Variants in ZNF223 observed in about 807,000 individuals in gnomAD.
The protein encoded by ZNF223 is Homo sapiens zinc finger protein 223.
In ZNF223, 9 loss-of-function variants were observed where a neutral mutation model predicts 12.3. The observed-to-expected ratio is 0.73, with a 90% CI of 0.44 to 1.28. ZNF223 has a LOEUF of 1.28. ZNF223 is among the 50% of genes most tolerant of loss of function. The probability of loss-of-function intolerance (pLI) is 0.00; values close to 1 mark genes in which losing one functional copy is unlikely to be tolerated. For synonymous variants in ZNF223, 171 were observed against 195.2 expected, an observed-to-expected ratio of 0.88 and a Z score of 1.03; for missense variants, 506 against 579.0, an observed-to-expected ratio of 0.87 and a Z score of 1.29.
At chr19:44,055,318 T>C (rs538757127) in intron 2 of ZNF223, 127 bp downstream of exon 2, 12 of 1,032,910 alleles carry the variant, frequency 1.2e-5, no homozygotes, top group Non-Finnish European at 1.8e-5. Flanking sequence ...GTCACCTGGC[T>C]AATTTTTGTA....
intron 4 of ZNF223, 169 bp downstream of exon 4, chr19:44,061,010 TCTC>T (rs1202053324): frequency 1.8e-5 from 11 of 624,874 alleles, no homozygotes; most frequent in Non-Finnish European, 2.8e-6. Context: ...TGACATCTGT[TCTC>T]CTCATGGCAG....
Position 44,058,328 on chromosome 19 carries a change from G to A in ZNF223, c.16-2127G>A, listed in dbSNP as rs144052854. Among the ~76,000 whole-genome samples the A allele has an allele frequency of 4.1e-5, 6 of 144,902 alleles. No individual in the cohort carries two copies. The East Asian group carries it at 1.2e-3, about 29-fold the overall frequency. On this transcript the variant is annotated intron_variant, in intron 2 of 4. Transcript: ENST00000434772. ...TTCATATGTCCATCGACCTCCCCTG[G>A]CCTCCCCTGATCTTGTTAGATCAGT...
intron 2 of ZNF223, among the ~76,000 whole-genome samples, chr19:44,056,361 C>A (rs368889515): frequency 5.0e-3 from 394 of 78,700 alleles, no homozygotes; most frequent in East Asian, 8.6e-3. Flanking sequence ...ACTAAAAATA[C>A]AAAAAAAAAA....
chr19:44,052,752 A>C (rs1026245154), intron 1 of ZNF223, among the ~76,000 whole-genome samples: 4 of 152,132 alleles, frequency 2.6e-5, no homozygotes, highest in African/African-American at 9.7e-5. Context: ...AAGCCCACAT[A>C]CCACGGTAAT....
chr19:44,060,830 A>G lies in ZNF223; in HGVS notation c.224A>G (p.Glu75Gly), dbSNP rs1405486418. Residue 75 changes from glutamate (E) to glycine (G), a missense_variant, in exon 4 of 5, where the codon GAA becomes GGA. Physicochemically the swap from Glu to Gly is moderately conservative, Grantham distance 98. Coordinates refer to ENST00000434772, the MANE Select transcript of ZNF223 (RefSeq NM_013361.6). ...ATGATGGATATAGCAACCCAAAGGG[A>G]AGGGAATTCAGGTAAGAAGCACGCA... is the stretch of plus-strand genomic sequence containing the variant. ...FWMMDIATQR[E>G]GNSGGKIQPE... 6.2e-7 allele frequency: 1 copy of G among 1,612,742 alleles called. No individual in the cohort carries two copies. The highest frequency in any genetic ancestry group is 8.5e-7 in the Non-Finnish European group (1 of 1,179,320).
chr19:44,064,867 G>A (rs1013876159), intron 4 of ZNF223, among the ~76,000 whole-genome samples: 3 of 152,170 alleles, frequency 2.0e-5, no homozygotes, highest in African/African-American at 7.2e-5. Context: ...ATTAGCATGT[G>A]ACTTAGACAC....
chr19:44,066,955 A>G lies in ZNF223; in HGVS notation c.1127A>G (p.Lys376Arg). ...HTGEKPYKCD[K>R]CGKSYITKSG... ...GGAGAAAAGCCATACAAATGTGACA[A>G]GTGTGGGAAGAGCTACATTACTAAG... Residue 376 changes from lysine to arginine, a missense_variant, in exon 5 of 5, where the codon AAG (lysine) becomes AGG (arginine). Lys to Arg is a conservative substitution (Grantham distance 26). Coordinates refer to ENST00000434772, the MANE Select transcript of ZNF223 (RefSeq NM_013361.6). 2 of 1,614,236 alleles carry G rather than the reference A, an allele frequency of 1.2e-6. No homozygotes were observed. The highest frequency in any genetic ancestry group is 1.3e-5 in the African/African-American group (1 of 75,070).
intron 1 of ZNF223, among the ~76,000 whole-genome samples, chr19:44,052,935 G>C (rs532370809): frequency 5.3e-5 from 8 of 152,154 alleles, no homozygotes; most frequent in African/African-American, 1.9e-4. Flanking sequence ...GTGTTGGATA[G>C]CATATTACCT....
chr19:44,062,658 T>G (rs756083794), intron 4 of ZNF223, among the ~76,000 whole-genome samples: 6 of 152,172 alleles, frequency 3.9e-5, no homozygotes, highest in Non-Finnish European at 7.3e-5. Context: ...ATTTTTTTTT[T>G]CATGACCACA....
chr19:44,052,025 T>G (rs1976706759), upstream of ZNF223: 1 of 152,166 alleles, frequency 6.6e-6, no homozygotes, highest in South Asian at 2.1e-4. Context: ...AGAGGACACT[T>G]CCGGTCTCCT....
At position 44,067,345 on chromosome 19, in the gene ZNF223, T is replaced by G. The variant is rs776949601; in HGVS notation, c.*68T>G. 1.7e-5 allele frequency: 25 copies of G among 1,437,458 alleles called. No homozygotes were observed. Among genetic ancestry groups the G allele is most frequent in the Non-Finnish European group, 2.3e-5 (24 of 1,045,724 alleles). 89.0% of individuals were successfully genotyped at this position (1,437,458 alleles called of 1,614,324 possible). ...ATGTATATGATGTATAATGATCAAA[T>G]CAGTGTAATTAGCACATTTATCACC... On this transcript the variant is annotated 3_prime_UTR_variant, in exon 5 of 5. Transcript: ENST00000434772.
At chr19:44,058,153 C>G (rs1976792736) in intron 2 of ZNF223, among the ~76,000 whole-genome samples, 1 of 152,170 alleles carries the variant, frequency 6.6e-6, no homozygotes, top group Non-Finnish European at 1.5e-5. Flanking sequence ...AAAGGCAGTT[C>G]CTCCCCATAA....
At chr19:44,063,110 C>T (rs549532862) in intron 4 of ZNF223, among the ~76,000 whole-genome samples, 172 of 152,258 alleles carry the variant, frequency 1.1e-3, no homozygotes, top group African/African-American at 4.1e-3. Context: ...CATCCTGAGA[C>T]CCCTTCCCAT....
chr19:44,061,057 G>A lies in ZNF223; in HGVS notation c.235+216G>A, dbSNP rs771587774. 8.6e-5 allele frequency: 43 copies of A among 500,488 alleles called. No individual in the cohort carries two copies. The Admixed American group carries it at 1.3e-3, about 15-fold the overall frequency. 31.0% of individuals were successfully genotyped at this position (500,488 alleles called of 1,614,324 possible). A position where few individuals can be genotyped will look rare whatever the true frequency, so the allele number is the denominator to read the frequency against. On this transcript the variant is annotated intron_variant, in intron 4 of 4. Transcript: ENST00000434772. ...ATCCTTAGGACATGGATGTCAGATT[G>A]TCATTCCTCAGCTTAAGAGCCTTTC...
chr19:44,065,727 G>A (rs1371042197), intron 4 of ZNF223, among the ~76,000 whole-genome samples: 1 of 151,734 alleles, frequency 6.6e-6, no homozygotes. Flanking sequence ...ATAGGTGTGT[G>A]CCACCACACC....
At chr19:44,063,194 C>T (rs182005253) in intron 4 of ZNF223, 26 of 152,286 alleles carry the variant, frequency 1.7e-4, no homozygotes, top group African/African-American at 6.3e-4. Context: ...AGGATTGTTC[C>T]CTTGACCATC....
intron 1 of ZNF223, among the ~76,000 whole-genome samples, chr19:44,054,172 C>CT (rs57806070): frequency 0.036 from 4,907 of 137,644 alleles, 233 homozygotes; most frequent in African/African-American, 0.11. Context: ...ATGCCCTTTT[C>CT]TTTTTTTTTT....
chr19:44,060,338 C>T (rs1976820282), intron 2 of ZNF223, 117 bp from the exon 3 acceptor site: 1 of 1,485,754 alleles, frequency 6.7e-7, no homozygotes, highest in East Asian at 2.3e-5. Context: ...ATAAGTTGAC[C>T]TACATCTCTG....
Position 44,066,601 on chromosome 19 carries a change from A to C in ZNF223, c.773A>C (p.Lys258Thr). The change falls in exon 5 of 5, where the codon AAA becomes ACA. Residue 258 changes from lysine to threonine, a missense_variant. Transcript: ENST00000434772. ...TVHCKLHMGE[K>T]HYNCEACGRA... The stretch of plus-strand genomic sequence containing the variant: ...CATTGCAAATTACACATGGGAGAGA[A>C]ACATTATAATTGTGAGGCATGTGGG... The C allele has an allele frequency of 6.2e-7, 1 of 1,614,138 alleles. No homozygotes were observed.
Sources: gnomAD v4.1 joint callset for allele counts (sites outside exome capture counted in the v4.1 genomes callset) on GRCh38, gnomAD v4.1.1 for gene constraint, MANE v1.5 for transcripts, NCBI Gene and HGNC (gene_info 2026-07-23, HGNC 2026-07-21) for gene names.